Variants in ALOX5 observed in about 807,000 individuals in gnomAD.
ALOX5 encodes the protein arachidonate 5-lipoxygenase.
In ALOX5, 64 loss-of-function variants were observed where a neutral mutation model predicts 87.9. The observed-to-expected ratio is 0.73, with a 90% CI of 0.60 to 0.90. The LOEUF (loss-of-function observed/expected upper bound fraction) is 0.90, where lower values mean the gene tolerates loss of function less well. Among genes scored for constraint, ALOX5 ranks in the 40% least tolerant of loss-of-function variants. The pLI is 0.00. For missense variants in ALOX5, 822 were observed against 907.5 expected (o/e 0.91, Z 1.21); for synonymous variants, 388 against 355.1 (o/e 1.09, Z -1.04).
chr10:45,443,280 C>T lies in ALOX5; in HGVS notation c.1451+64C>T, dbSNP rs1346352339. 12 of 1,583,206 alleles carry T rather than the reference C, an allele frequency of 7.6e-6. No individual in the cohort carries two copies. In the South Asian group the frequency reaches 8.1e-5, roughly 11 times the overall value. Reference sequence around the variant, plus strand: ...GGGACCCCTGCCTGACTACCTGGGGCGGGCCTGGCCCCTCCACCGCTAGCG... The same window carrying T: ...GGGACCCCTGCCTGACTACCTGGGGTGGGCCTGGCCCCTCCACCGCTAGCG... On this transcript the variant is annotated intron_variant, in intron 10 of 13. Coordinates refer to ENST00000374391, the MANE Select transcript of ALOX5 (RefSeq NM_000698.5).
At position 45,382,637 on chromosome 10, in the gene ALOX5, G is replaced by A. The variant is rs923445285; in HGVS notation, c.305G>A (p.Arg102His). 3 of 1,613,952 alleles carry A rather than the reference G, an allele frequency of 1.9e-6. No homozygotes were observed. The highest frequency in any genetic ancestry group is 1.1e-5 in the South Asian group (1 of 91,054). The stretch of plus-strand genomic sequence containing the variant: ...GACTACATCGAGTTCCCCTGCTACC[G>A]CTGGATCACCGGCGATGTCGAGGTT... ...HGDYIEFPCY[R>H]WITGDVEVVL... Residue 102 changes from arginine to histidine, a missense_variant, in exon 2 of 14, where the codon CGC (arginine) becomes CAC (histidine). Arg to His is a conservative substitution (Grantham distance 29, BLOSUM62 0). Transcript: ENST00000374391.
At chr10:45,418,801 C>A (rs1374543686) in intron 4 of ALOX5, among the ~76,000 whole-genome samples, 1 of 152,158 alleles carries the variant, frequency 6.6e-6, no homozygotes, top group African/African-American at 2.4e-5. Context: ...TGTTCACCTC[C>A]CCACTCGCTG....
intron 4 of ALOX5, among the ~76,000 whole-genome samples, chr10:45,423,323 C>G (rs913357053): frequency 6.6e-6 from 1 of 152,244 alleles, no homozygotes; most frequent in African/African-American, 2.4e-5. Flanking sequence ...GAGAGAGAAA[C>G]TGAGGCACAG....
chr10:45,410,208 A>G (rs562595581), intron 3 of ALOX5, among the ~76,000 whole-genome samples: 1 of 152,356 alleles, frequency 6.6e-6, no homozygotes, highest in South Asian at 2.1e-4. Context: ...ATGACTAATG[A>G]TAGCTAATTA....
chr10:45,440,377 C>G, intron 7 of ALOX5, 53 bp from the exon 8 acceptor site: 1 of 1,572,298 alleles, frequency 6.4e-7, no homozygotes, highest in Non-Finnish European at 8.7e-7. Context: ...TCTCCAACAA[C>G]TATACTCTGA....
intron 1 of ALOX5, among the ~76,000 whole-genome samples, chr10:45,378,551 A>C (rs1412921725): frequency 6.6e-6 from 1 of 152,202 alleles, no homozygotes; most frequent in Non-Finnish European, 1.5e-5. Flanking sequence ...AGACAAATAT[A>C]GCATCAGCCC....
At chr10:45,419,079 C>G (rs4948672) in intron 4 of ALOX5, among the ~76,000 whole-genome samples, 83,370 of 152,064 alleles carry the variant, frequency 0.55, 23,448 homozygotes, top group East Asian at 0.84. Flanking sequence ...AGTGAAGGCG[C>G]CGTAGGAAAC....
Position 45,424,057 on chromosome 10 carries a change from A to G in ALOX5, c.571A>G (p.Ile191Val), listed in dbSNP as rs1841602416. Residue 191 changes from isoleucine to valine, a missense_variant, in exon 5 of 14, where the codon ATC becomes GTC. By Grantham distance (29) the Ile-to-Val change is conservative. Coordinates refer to ENST00000374391, the MANE Select transcript of ALOX5 (RefSeq NM_000698.5). ...NYSKAMENLF[I>V]NRFMHMFQSS... ...GGTCTGCAGGATGGAGAACCTGTTC[A>G]TCAACCGCTTCATGCACATGTTCCA... The G allele has an allele frequency of 6.2e-7, 1 of 1,614,180 alleles. No homozygotes were observed.
At chr10:45,437,015 T>C (rs919862847) in intron 7 of ALOX5, among the ~76,000 whole-genome samples, 2 of 152,210 alleles carry the variant, frequency 1.3e-5, no homozygotes. Flanking sequence ...GTTCCTGATA[T>C]GGTTCTCAGC....
intron 4 of ALOX5, among the ~76,000 whole-genome samples, chr10:45,412,520 G>T (rs774553398): frequency 6.6e-6 from 1 of 152,134 alleles, no homozygotes; most frequent in African/African-American, 2.4e-5. Context: ...ATAACCAGAG[G>T]ACTCCAGACA....
intron 1 of ALOX5, among the ~76,000 whole-genome samples, chr10:45,379,468 C>G (rs577210684): frequency 6.6e-6 from 1 of 152,358 alleles, no homozygotes; most frequent in African/African-American, 2.4e-5. Flanking sequence ...TGTCTCCAGC[C>G]TTTCAGGAGT....
At chr10:45,428,322 A>G (rs3740107) in intron 6 of ALOX5, 350,142 of 468,210 alleles carry the variant, frequency 0.75, 131,799 homozygotes, top group Admixed American at 0.78. Flanking sequence ...TCTTCTTAGT[A>G]AACTGACACT....
At chr10:45,377,310 C>G (rs1445583786) in intron 1 of ALOX5, among the ~76,000 whole-genome samples, 1 of 151,782 alleles carries the variant, frequency 6.6e-6, no homozygotes. Flanking sequence ...CCAGTCTCCC[C>G]CTCTGAGCCA....
intron 7 of ALOX5, among the ~76,000 whole-genome samples, chr10:45,432,228 C>T (rs1046086684): frequency 6.0e-5 from 9 of 151,140 alleles, no homozygotes; most frequent in Admixed American, 3.3e-4. Context: ...GGTATGGTGG[C>T]GCATGCCTGT....
At chr10:45,417,420 C>G (rs1841336321) in intron 4 of ALOX5, among the ~76,000 whole-genome samples, 1 of 152,150 alleles carries the variant, frequency 6.6e-6, no homozygotes, top group Non-Finnish European at 1.5e-5. Context: ...TAATGCCTTT[C>G]TGGGCCTCCC....
At position 45,374,371 on chromosome 10, in the gene ALOX5, G is replaced by A. The variant is rs76739827; in HGVS notation, c.92G>A (p.Gly31Asp). ...TACCTCAGCCTCGTGGGCTCGGCGG[G>A]CTGCAGCGAGAAGCACCTGCTGGAC... is the stretch of plus-strand genomic sequence containing the variant. The part of the protein sequence containing the change: ...YIYLSLVGSA[G>D]CSEKHLLDKP... The change falls in exon 1 of 14, where the codon GGC (glycine) becomes GAC (aspartate). Residue 31 changes from glycine to aspartate, a missense_variant. Physicochemically the swap from Gly to Asp is moderately conservative, Grantham distance 94 (BLOSUM62 -1). Transcript: ENST00000374391. 2.5e-5 allele frequency: 39 copies of A among 1,553,334 alleles called. 1 individual carries two copies. In the East Asian group the frequency reaches 9.8e-4, roughly 39 times the overall value.
At chr10:45,388,407 G>A (rs757136829) in intron 2 of ALOX5, among the ~76,000 whole-genome samples, 3 of 152,234 alleles carry the variant, frequency 2.0e-5, no homozygotes, top group Non-Finnish European at 4.4e-5. Context: ...GTGGCTCCCT[G>A]ACCCCAGAGT....
intron 7 of ALOX5, among the ~76,000 whole-genome samples, chr10:45,439,929 A>G (rs993352231): frequency 6.6e-6 from 1 of 152,182 alleles, no homozygotes; most frequent in African/African-American, 2.4e-5. Flanking sequence ...GCCTTTAAAC[A>G]GGAGGAGCTG....
At chr10:45,388,402 T>C (rs1370576409) in intron 2 of ALOX5, among the ~76,000 whole-genome samples, 4 of 152,198 alleles carry the variant, frequency 2.6e-5, no homozygotes, top group African/African-American at 4.8e-5. Flanking sequence ...CTCAAGTGGC[T>C]CCCTGACCCC....
Sources: allele counts gnomAD v4.1 joint callset (sites outside exome capture counted in the v4.1 genomes callset), GRCh38; gene constraint gnomAD v4.1.1; transcripts MANE v1.5; gene names NCBI Gene and HGNC (gene_info 2026-07-23, HGNC 2026-07-21).